The following STYXL1 variants were observed in gnomAD, a reference collection of about 807,000 sequenced individuals.
The protein encoded by STYXL1 is serine/threonine/tyrosine-interacting-like protein 1.
In STYXL1, 32 loss-of-function variants were observed where a neutral mutation model predicts 36.4. The observed-to-expected ratio is 0.88, with a 90% CI of 0.66 to 1.18. STYXL1 has a LOEUF of 1.18. STYXL1 is among the 50% of genes most tolerant of loss of function. The pLI is 0.00. For missense variants in STYXL1, 354 were observed against 394.1 expected (o/e 0.90, Z 0.86); for synonymous variants, 133 against 144.1 (o/e 0.92, Z 0.55).
chr7:76,031,586 G>C (rs549271367), intron 1 of STYXL1, among the ~76,000 whole-genome samples: 1 of 148,860 alleles, frequency 6.7e-6, no homozygotes, highest in South Asian at 2.1e-4. Context: ...ATGGTGGCAG[G>C]CACCTGTAAT....
At chr7:76,039,126 C>T (rs1338772584) in intron 1 of STYXL1, among the ~76,000 whole-genome samples, 2 of 148,976 alleles carry the variant, frequency 1.3e-5, no homozygotes, top group African/African-American at 2.6e-5. Context: ...TTAGTAGAAA[C>T]GGGGTTTCAC....
chr7:76,006,817 T>G (rs925507910), intron 5 of STYXL1, among the ~76,000 whole-genome samples: 1 of 151,990 alleles, frequency 6.6e-6, no homozygotes, highest in Non-Finnish European at 1.5e-5. Context: ...AAACTTTCGT[T>G]TATTTGAAAC....
chr7:76,001,054 C>A, intron 7 of STYXL1, 52 bp from the exon 8 acceptor site: 1 of 1,465,924 alleles, frequency 6.8e-7, no homozygotes, highest in East Asian at 2.3e-5. Flanking sequence ...TCCCTGTGGG[C>A]CTGGGTTGCT....
At chr7:76,012,763 C>G (rs542741402) in intron 5 of STYXL1, among the ~76,000 whole-genome samples, 1 of 151,486 alleles carries the variant, frequency 6.6e-6, no homozygotes, top group African/African-American at 2.4e-5. Context: ...AAGTACTGAG[C>G]TAAAGCAATC....
At chr7:76,043,530 G>A (rs1554582699) in intron 1 of STYXL1, among the ~76,000 whole-genome samples, 1 of 151,894 alleles carries the variant, frequency 6.6e-6, no homozygotes, top group East Asian at 1.9e-4. Context: ...CAGAAGCCAG[G>A]GGCTGAGGGA....
At chr7:76,037,356 T>C (rs1467231934) in intron 1 of STYXL1, among the ~76,000 whole-genome samples, 1 of 150,428 alleles carries the variant, frequency 6.6e-6, no homozygotes, top group Non-Finnish European at 1.5e-5. Flanking sequence ...TAGTCTGGCC[T>C]TCAAACCAGG....
chr7:76,035,952 G>A (rs1795867387), intron 1 of STYXL1, among the ~76,000 whole-genome samples: 1 of 149,912 alleles, frequency 6.7e-6, no homozygotes, highest in Admixed American at 6.7e-5. Context: ...CTGGAAGGAT[G>A]AGATCGGTCC....
chr7:76,028,729 T>C (rs1554578442), intron 2 of STYXL1, 26 bp from the exon 3 acceptor site: 2 of 1,610,554 alleles, frequency 1.2e-6, no homozygotes, highest in African/African-American at 1.3e-5. Context: ...ATTTAAGAAC[T>C]GAATTTGCAA....
intron 2 of STYXL1, 40 bp downstream of exon 2, chr7:76,030,381 C>T (rs781900460): frequency 1.4e-5 from 20 of 1,438,868 alleles, no homozygotes; most frequent in South Asian, 3.4e-5. Flanking sequence ...GTTTGAAGGA[C>T]ACTGTGTTTG....
chr7:76,046,627 A>C (rs994860869), intron 1 of STYXL1, among the ~76,000 whole-genome samples: 3 of 144,902 alleles, frequency 2.1e-5, no homozygotes, highest in Non-Finnish European at 3.0e-5. Context: ...GATTACAGGC[A>C]TAAGCCACCA....
chr7:76,041,193 A>C (rs1796447562), intron 1 of STYXL1, among the ~76,000 whole-genome samples: 1 of 152,008 alleles, frequency 6.6e-6, no homozygotes, highest in Admixed American at 6.6e-5. Flanking sequence ...AAAAAAAAAA[A>C]CTAAATTAAA....
chr7:76,030,642 T>A, intron 1 of STYXL1, 115 bp from the exon 2 acceptor site: 1 of 659,714 alleles, frequency 1.5e-6, no homozygotes, highest in South Asian at 1.7e-5. Flanking sequence ...AAGATGACAG[T>A]AATCATGTAA....
intron 2 of STYXL1, among the ~76,000 whole-genome samples, 156 bp downstream of exon 2, chr7:76,030,265 C>T (rs1330163928): frequency 6.6e-6 from 1 of 152,208 alleles, no homozygotes; most frequent in African/African-American, 2.4e-5. Context: ...TTCCCAAGTG[C>T]TGGGATTACA....
chr7:76,015,445 C>T (rs1793162033), intron 4 of STYXL1, among the ~76,000 whole-genome samples: 1 of 152,194 alleles, frequency 6.6e-6, no homozygotes, highest in African/African-American at 2.4e-5. Flanking sequence ...GAATACCCTT[C>T]TTGACATTGG....
At chr7:76,000,699 C>T (rs1331399452) in intron 8 of STYXL1, among the ~76,000 whole-genome samples, 191 bp downstream of exon 8, 1 of 152,214 alleles carries the variant, frequency 6.6e-6, no homozygotes, top group Non-Finnish European at 1.5e-5. Context: ...GCATATCCAG[C>T]CTCAGGCCTC....
chr7:76,022,104 CCT>C, intron 3 of STYXL1, 112 bp from the exon 4 acceptor site: 2 of 1,502,280 alleles, frequency 1.3e-6, no homozygotes, highest in Non-Finnish European at 1.8e-6. Context: ...CACTCTCTCC[CCT>C]GACTATACAC....
intron 5 of STYXL1, among the ~76,000 whole-genome samples, chr7:76,006,763 C>CAAAAA (rs67192620): frequency 7.7e-6 from 1 of 130,032 alleles, no homozygotes; most frequent in African/African-American, 2.9e-5. Flanking sequence ...GACTCCGTCT[C>CAAAAA]AAAAAAAAAA....
intron 1 of STYXL1, among the ~76,000 whole-genome samples, chr7:76,031,280 G>A (rs561119678): frequency 4.1e-4 from 51 of 124,738 alleles, no homozygotes; most frequent in African/African-American, 1.3e-3. Flanking sequence ...GCAGTGAGCC[G>A]GAATCATGCC....
intron 4 of STYXL1, among the ~76,000 whole-genome samples, chr7:76,020,544 C>G (rs141569730): frequency 7.0e-4 from 106 of 152,306 alleles, no homozygotes; most frequent in African/African-American, 2.5e-3. Flanking sequence ...CCCTGGGGGA[C>G]AGGACAGAGC....
Sources: allele counts gnomAD v4.1 joint callset (sites outside exome capture counted in the v4.1 genomes callset), GRCh38; gene constraint gnomAD v4.1.1; transcripts MANE v1.5; gene names NCBI Gene and HGNC (gene_info 2026-07-23, HGNC 2026-07-21).